The following CCDC172 variants were observed in gnomAD, a reference collection of about 807,000 sequenced individuals.
The protein encoded by CCDC172 is coiled-coil domain containing 172, also known as coiled-coil domain-containing protein 172.
Under a neutral mutation model 38.0 loss-of-function variants are expected in CCDC172, and 30 were observed. That is an observed-to-expected ratio of 0.79 (90% CI 0.59 to 1.07). The LOEUF is 1.07. Ranked by LOEUF, CCDC172 falls within the 50% of genes least tolerant of loss-of-function variation. The pLI is 0.00. For synonymous variants in CCDC172, 78 were observed against 88.3 expected (o/e 0.88, Z 0.66); for missense variants, 297 against 290.1 (o/e 1.02, Z -0.17).
chr10:116,365,139 G>T lies in CCDC172; in HGVS notation c.653+7201G>T, dbSNP rs146627317. Among the ~76,000 whole-genome samples, 989 of 152,114 alleles carry T rather than the reference G, an allele frequency of 6.5e-3. 14 individuals are homozygous for T. The highest frequency in any genetic ancestry group is 0.022 in the African/African-American group (933 of 41,490). On this transcript the variant is annotated intron_variant, in intron 7 of 8. Transcript: ENST00000333254. ...GATCTACTTACCATTATATTGCTTT[G>T]GCTAGCTGCAAATGTATTAATATTC...
intron 3 of CCDC172, among the ~76,000 whole-genome samples, chr10:116,333,197 G>C (rs982280267): frequency 6.6e-6 from 1 of 151,824 alleles, no homozygotes; most frequent in Non-Finnish European, 1.5e-5. Flanking sequence ...ATTTTTCATA[G>C]GGTTCATGTT....
chr10:116,353,705 A>G (rs1844960276), intron 5 of CCDC172, among the ~76,000 whole-genome samples: 1 of 152,102 alleles, frequency 6.6e-6, no homozygotes, highest in South Asian at 2.1e-4. Context: ...TATGTGTTTG[A>G]GTGTAAATAG....
chr10:116,374,293 T>A (rs1245607198), intron 7 of CCDC172, among the ~76,000 whole-genome samples: 4 of 152,074 alleles, frequency 2.6e-5, no homozygotes, highest in Non-Finnish European at 5.9e-5. Flanking sequence ...AAGATGAAAG[T>A]TTCTGACTTA....
At chr10:116,360,220 G>T (rs1201943340) in intron 7 of CCDC172, among the ~76,000 whole-genome samples, 1 of 152,082 alleles carries the variant, frequency 6.6e-6, no homozygotes, top group African/African-American at 2.4e-5. Context: ...TGACTGATCT[G>T]GTTTTTTCAT....
At chr10:116,355,844 A>G (rs1186060954) in intron 5 of CCDC172, among the ~76,000 whole-genome samples, 3 of 152,174 alleles carry the variant, frequency 2.0e-5, no homozygotes, top group Admixed American at 1.3e-4. Flanking sequence ...ATGACTGCTA[A>G]CAGGTATGGA....
chr10:116,342,869 T>C (rs1844813408), intron 5 of CCDC172, among the ~76,000 whole-genome samples: 1 of 152,128 alleles, frequency 6.6e-6, no homozygotes, highest in African/African-American at 2.4e-5. Context: ...CTGCTTCCCC[T>C]CTGCCTTCCA....
chr10:116,354,446 A>T (rs1844969229), intron 5 of CCDC172, among the ~76,000 whole-genome samples: 1 of 152,042 alleles, frequency 6.6e-6, no homozygotes. Flanking sequence ...GCTCCAGGCC[A>T]GGCATGGTGG....
intron 7 of CCDC172, among the ~76,000 whole-genome samples, chr10:116,373,989 A>C (rs541558425): frequency 1.3e-5 from 2 of 152,318 alleles, no homozygotes; most frequent in Non-Finnish European, 2.9e-5. Flanking sequence ...AAAATTCATA[A>C]ATAAACAATT....
At chr10:116,349,654 G>A (rs1199123769) in intron 5 of CCDC172, among the ~76,000 whole-genome samples, 5 of 152,164 alleles carry the variant, frequency 3.3e-5, no homozygotes, top group African/African-American at 1.2e-4. Flanking sequence ...ATGTATTTCT[G>A]AAATGTGCTT....
At chr10:116,373,658 C>T (rs1391112103) in intron 7 of CCDC172, among the ~76,000 whole-genome samples, 8 of 152,212 alleles carry the variant, frequency 5.3e-5, no homozygotes, top group Admixed American at 3.3e-4. Context: ...GCGTGTGCCA[C>T]CACACCTGGC....
At chr10:116,325,714 T>C (rs1844582794) in intron 3 of CCDC172, among the ~76,000 whole-genome samples, 1 of 152,240 alleles carries the variant, frequency 6.6e-6, no homozygotes, top group Non-Finnish European at 1.5e-5. Context: ...GTGCAGTATA[T>C]ACATTTTGAA....
At chr10:116,324,926 C>G in intron 1 of CCDC172, 21 bp from the exon 2 acceptor site, 1 of 1,108,136 alleles carries the variant, frequency 9.0e-7, no homozygotes. Context: ...AAGAATCCAT[C>G]TTCTTTATTC....
intron 3 of CCDC172, among the ~76,000 whole-genome samples, chr10:116,330,385 A>T (rs557687478): frequency 9.2e-5 from 14 of 152,336 alleles, no homozygotes; most frequent in African/African-American, 3.4e-4. Flanking sequence ...ATTATGAAAT[A>T]TATCAACATT....
At chr10:116,371,380 C>T (rs10885919) in intron 7 of CCDC172, among the ~76,000 whole-genome samples, 103,346 of 151,620 alleles carry the variant, frequency 0.68, 39,469 homozygotes, top group South Asian at 0.92. Flanking sequence ...ACATTAATTC[C>T]GGGAACAAAT....
intron 5 of CCDC172, among the ~76,000 whole-genome samples, chr10:116,352,479 A>T (rs925830593): frequency 6.6e-6 from 1 of 152,192 alleles, no homozygotes; most frequent in Non-Finnish European, 1.5e-5. Context: ...TTCTAAGTAT[A>T]CTCAAGGACA....
At chr10:116,339,529 A>G (rs1328032333) in intron 3 of CCDC172, among the ~76,000 whole-genome samples, 3 of 151,574 alleles carry the variant, frequency 2.0e-5, no homozygotes, top group African/African-American at 4.8e-5. Context: ...CCTTCCCCCA[A>G]TCTCTAAAAT....
intron 3 of CCDC172, among the ~76,000 whole-genome samples, chr10:116,339,631 C>T (rs898250889): frequency 3.3e-5 from 5 of 151,740 alleles, no homozygotes; most frequent in African/African-American, 1.2e-4. Flanking sequence ...AAAACAGTAC[C>T]AAGTACTGAA....
chr10:116,354,542 G>A, intron 5 of CCDC172, among the ~76,000 whole-genome samples: 1 of 151,808 alleles, frequency 6.6e-6, no homozygotes, highest in East Asian at 1.9e-4. Flanking sequence ...TGGGCAACAT[G>A]GTGAAACCCC....
rs201698300 is a variant in CCDC172, at chr10:116,342,107, T to A, written c.354T>A (p.Asp118Glu). The A allele has an allele frequency of 3.9e-6, 6 of 1,551,038 alleles. No individual in the cohort carries two copies. Among genetic ancestry groups the A allele is most frequent in the Non-Finnish European group, 4.3e-6 (5 of 1,156,570 alleles). ...FIKEITDFNN[D>E]YEITKKRELL... Reference sequence around the variant, plus strand: ...AGGAAATTACAGACTTTAATAATGATTATGAAATAACAAAGAAAAGAGAGC... The same window carrying A: ...AGGAAATTACAGACTTTAATAATGAATATGAAATAACAAAGAAAAGAGAGC... Residue 118 changes from aspartate to glutamate, a missense_variant, in exon 5 of 9, where the codon GAT becomes GAA. Physicochemically the swap from Asp to Glu is conservative, Grantham distance 45. Coordinates refer to ENST00000333254, the MANE Select transcript of CCDC172 (RefSeq NM_198515.3).
Sources: allele counts gnomAD v4.1 joint callset (sites outside exome capture counted in the v4.1 genomes callset), GRCh38; gene constraint gnomAD v4.1.1; transcripts MANE v1.5; gene names NCBI Gene and HGNC (gene_info 2026-07-23, HGNC 2026-07-21).